CPQ: variants seen among roughly 807,000 people sequenced by gnomAD.
The protein encoded by CPQ is carboxypeptidase Q.
CPQ carries 37 observed loss-of-function variants against 45.7 expected under a neutral mutation model. That is an observed-to-expected ratio of 0.81 (90% CI 0.62 to 1.07). The LOEUF is 1.07. Among genes scored for constraint, CPQ ranks in the 50% least tolerant of loss-of-function variants. The probability of loss-of-function intolerance (pLI) is 0.00; values close to 1 mark genes in which losing one functional copy is unlikely to be tolerated. For missense variants in CPQ, 537 were observed against 572.9 expected (o/e 0.94, Z 0.64); for synonymous variants, 186 against 205.8 (o/e 0.90, Z 0.82).
At chr8:97,117,327 A>G (rs1811612045) in intron 7 of CPQ, among the ~76,000 whole-genome samples, 1 of 152,104 alleles carries the variant, frequency 6.6e-6, no homozygotes, top group South Asian at 2.1e-4. Flanking sequence ...TTCAACAAAC[A>G]TTTATTCAGC....
intron 5 of CPQ, among the ~76,000 whole-genome samples, chr8:97,008,877 GAA>G (rs1306141733): frequency 6.6e-6 from 1 of 152,068 alleles, no homozygotes; most frequent in African/African-American, 2.4e-5. Context: ...TTTATACAAA[GAA>G]AAACGTCTTT....
intron 7 of CPQ, among the ~76,000 whole-genome samples, chr8:97,111,216 A>G (rs1811493690): frequency 6.6e-6 from 1 of 152,046 alleles, no homozygotes; most frequent in Admixed American, 6.5e-5. Flanking sequence ...TTTTCCCACA[A>G]TGTAGAGAAA....
chr8:96,717,807 G>T (rs1417045537), intron 1 of CPQ, among the ~76,000 whole-genome samples: 1 of 152,108 alleles, frequency 6.6e-6, no homozygotes, highest in East Asian at 1.9e-4. Context: ...GCTCCAGAGG[G>T]GATTGTAGGG....
At chr8:97,081,986 C>CT in intron 7 of CPQ, among the ~76,000 whole-genome samples, 1 of 152,158 alleles carries the variant, frequency 6.6e-6, no homozygotes, top group Non-Finnish European at 1.5e-5. Flanking sequence ...AAAGTTAACA[C>CT]TTAATAAGCC....
chr8:96,737,116 CTCTTG>C (rs951444012), intron 1 of CPQ, among the ~76,000 whole-genome samples: 1 of 150,790 alleles, frequency 6.6e-6, no homozygotes, highest in African/African-American at 2.4e-5. Context: ...TAATTTCTTC[CTCTTG>C]TCTTTATCTT....
intron 2 of CPQ, among the ~76,000 whole-genome samples, chr8:96,810,950 A>G (rs1811154742): frequency 6.6e-6 from 1 of 152,236 alleles, no homozygotes; most frequent in Non-Finnish European, 1.5e-5. Flanking sequence ...AGGTTAACAT[A>G]GACATCTAGA....
At chr8:96,893,595 G>T (rs1434976918) in intron 4 of CPQ, among the ~76,000 whole-genome samples, 1 of 152,172 alleles carries the variant, frequency 6.6e-6, no homozygotes, top group Non-Finnish European at 1.5e-5. Context: ...CCACTTTAAA[G>T]ATGAGGAAGC....
In CPQ at chr8:96,748,952, A is replaced by C. The variant is rs181941538; in HGVS notation, c.-34-35912A>C. ...TCAAGACCCAGTAGATTTGTCACCA[A>C]TTGCAAAGCCTTTTCTGACCCTCAT... On this transcript the variant is annotated intron_variant, in intron 1 of 7. Coordinates refer to ENST00000220763, the MANE Select transcript of CPQ (RefSeq NM_016134.4). Among the ~76,000 whole-genome samples the C allele has an allele frequency of 1.1e-4, 17 of 152,212 alleles. No homozygotes were observed. The East Asian group carries it at 2.5e-3, about 22-fold the overall frequency.
At chr8:96,968,183 T>TAAGTC (rs1346321080) in intron 5 of CPQ, among the ~76,000 whole-genome samples, 1 of 152,204 alleles carries the variant, frequency 6.6e-6, no homozygotes, top group East Asian at 1.9e-4. Context: ...CTTTACTACT[T>TAAGTC]AAGTCACCAT....
intron 7 of CPQ, among the ~76,000 whole-genome samples, chr8:97,073,086 T>C (rs1810777989): frequency 6.6e-6 from 1 of 152,236 alleles, no homozygotes; most frequent in Non-Finnish European, 1.5e-5. Flanking sequence ...TTGCATATTG[T>C]GTTGTTTTAA....
chr8:96,785,068 T>G lies in CPQ; in HGVS notation c.171T>G (p.Gly57=). Residue 57 remains glycine (G), a synonymous_variant, in exon 2 of 8, where the codon GGT becomes GGG. Coordinates refer to ENST00000220763, the MANE Select transcript of CPQ (RefSeq NM_016134.4). The part of the protein sequence containing the change: ...AKAIINLAVY[G]KAQNRSYERL... Reference sequence around the variant, plus strand: ...CAATCATCAACCTAGCTGTTTATGGTAAAGCCCAGAACAGATCCTATGAGC... The same window carrying G: ...CAATCATCAACCTAGCTGTTTATGGGAAAGCCCAGAACAGATCCTATGAGC... 6.2e-7 allele frequency: 1 copy of G among 1,613,876 alleles called. No homozygotes were observed. The highest frequency in any genetic ancestry group is 8.5e-7 in the Non-Finnish European group (1 of 1,179,850).
chr8:96,784,842 A>G (rs893380227), intron 1 of CPQ, 22 bp from the exon 2 acceptor site: 53 of 1,509,772 alleles, frequency 3.5e-5, no homozygotes, highest in Non-Finnish European at 4.4e-5. Context: ...CCCCTAAAAC[A>G]TAATGTTTCT....
chr8:97,009,971 T>C (rs897488306), intron 5 of CPQ, among the ~76,000 whole-genome samples: 2 of 152,220 alleles, frequency 1.3e-5, no homozygotes, highest in African/African-American at 4.8e-5. Context: ...GCTGACTTTA[T>C]CTCATTCCTT....
chr8:97,011,539 C>T (rs927355166), intron 5 of CPQ, among the ~76,000 whole-genome samples: 2 of 152,122 alleles, frequency 1.3e-5, no homozygotes, highest in African/African-American at 4.8e-5. Flanking sequence ...TTTGGAAGGG[C>T]AACAGTATAA....
chr8:97,046,538 A>G (rs1454166755), intron 6 of CPQ, among the ~76,000 whole-genome samples: 1 of 152,248 alleles, frequency 6.6e-6, no homozygotes, highest in Non-Finnish European at 1.5e-5. Flanking sequence ...TGGTTTCATC[A>G]TATGATTTAT....
chr8:96,701,003 C>T (rs1370630048), intron 1 of CPQ, among the ~76,000 whole-genome samples: 1 of 152,068 alleles, frequency 6.6e-6, no homozygotes, highest in Admixed American at 6.5e-5. Flanking sequence ...CCAGATGTTA[C>T]TAAGGGATAG....
intron 7 of CPQ, among the ~76,000 whole-genome samples, chr8:97,067,899 A>G (rs1053545642): frequency 6.6e-6 from 1 of 152,156 alleles, no homozygotes; most frequent in African/African-American, 2.4e-5. Flanking sequence ...ATTTGTATGA[A>G]ATTCTAGATT....
At position 96,802,257 on chromosome 8, in the gene CPQ, T is replaced by C. The variant is rs140096695; in HGVS notation, c.433+16927T>C. Reference sequence around the variant, plus strand: ...TGTCAGGTTAGTGCTCTAGAATTAATTAGAGCTTCTATCTTTTTTTTGAGT... The same window carrying C: ...TGTCAGGTTAGTGCTCTAGAATTAACTAGAGCTTCTATCTTTTTTTTGAGT... On this transcript the variant is annotated intron_variant, in intron 2 of 7. Coordinates refer to ENST00000220763, the MANE Select transcript of CPQ (RefSeq NM_016134.4). 9.2e-3 allele frequency among the ~76,000 whole-genome samples: 1,399 copies of C among 152,338 alleles called. 9 individuals carry two copies. Among genetic ancestry groups the C allele is most frequent in the Non-Finnish European group, 0.014 (933 of 68,022 alleles).
chr8:96,735,283 G>A (rs1809967817), intron 1 of CPQ, among the ~76,000 whole-genome samples: 2 of 152,156 alleles, frequency 1.3e-5, no homozygotes. Flanking sequence ...CATATATTAA[G>A]CCTTCAATAA....
Sources: gnomAD v4.1 joint callset for allele counts (sites outside exome capture counted in the v4.1 genomes callset) on GRCh38, gnomAD v4.1.1 for gene constraint, MANE v1.5 for transcripts, NCBI Gene and HGNC (gene_info 2026-07-23, HGNC 2026-07-21) for gene names.